Variants in MASP1 observed in about 807,000 individuals in gnomAD.
MASP1 encodes mannan-binding lectin serine protease 1.
In MASP1, 59 loss-of-function variants were observed where a neutral mutation model predicts 77.1. The observed-to-expected ratio is 0.77, with a 90% confidence interval of 0.62 to 0.95. The LOEUF is 0.95. Ranked by LOEUF, MASP1 falls within the 40% of genes least tolerant of loss-of-function variation. The pLI is 0.00. For missense variants in MASP1, 885 were observed against 912.9 expected (o/e 0.97, Z 0.39); for synonymous variants, 362 against 354.5 (o/e 1.02, Z -0.24).
In MASP1 at chr3:187,285,896, AC is replaced by A; in HGVS notation, c.165del (p.Arg57GlyfsTer22). On this transcript the variant is annotated frameshift_variant, in exon 2 of 11. Coordinates refer to ENST00000296280, the MANE Select transcript of MASP1 (RefSeq NM_139125.4). LOFTEE classifies it high-confidence loss of function. ...EVTWNITVPD[G>X]FRIKLYFMHF... ...TGCATGAAGTAAAGCTTGATCCGAA[AC>A]CCATCTGGGACAGTGATATTCCAAG... is the stretch of plus-strand genomic sequence containing the variant. The A allele has an allele frequency of 1.9e-6, 3 of 1,614,144 alleles. No homozygotes were observed. The highest frequency in any genetic ancestry group is 2.5e-6 in the Non-Finnish European group (3 of 1,180,010).
At chr3:187,224,482 G>A (rs972612426) in intron 13 of MASP1, among the ~76,000 whole-genome samples, 1 of 150,788 alleles carries the variant, frequency 6.6e-6, no homozygotes, top group Non-Finnish European at 1.5e-5. Flanking sequence ...AAGTAGCTGG[G>A]ACTACAGGCG....
In MASP1 at chr3:187,235,214, G is replaced by A; in HGVS notation, c.*470C>T. ...TAGAGGAAGGATTAGGCCAAGGCTA[G>A]TCCCAGAAGGCAGAGCAGGAAAATA... On this transcript the variant is annotated 3_prime_UTR_variant, in exon 11 of 11. Transcript: ENST00000296280. The A allele has an allele frequency of 7.8e-7, 1 of 1,288,788 alleles. No individual in the cohort carries two copies. Among genetic ancestry groups the A allele is most frequent in the Non-Finnish European group, 1.0e-6 (1 of 989,794 alleles). 79.8% of individuals were successfully genotyped at this position (1,288,788 alleles called of 1,614,324 possible).
chr3:187,222,122 C>T (rs548163182), intron 14 of MASP1, among the ~76,000 whole-genome samples: 2 of 152,208 alleles, frequency 1.3e-5, no homozygotes, highest in Non-Finnish European at 2.9e-5. Flanking sequence ...TCCTCAGCAA[C>T]TGCTGAGCAC....
rs1325283363 is a variant in MASP1, at chr3:187,234,266, A to G, written c.*1418T>C. 11 of 1,287,230 alleles carry G rather than the reference A, an allele frequency of 8.5e-6. No individual in the cohort carries two copies. The South Asian group carries it at 8.6e-5, about 10-fold the overall frequency. The allele number at this position is 1,287,230 out of a possible 1,614,324, so 79.7% of individuals were successfully genotyped here. A position where few individuals can be genotyped will look rare whatever the true frequency, so the allele number is the denominator to read the frequency against. On this transcript the variant is annotated 3_prime_UTR_variant, in exon 11 of 11. Transcript: ENST00000296280. ...CGGTTGAGAAAGTGGACACTTCCCA[A>G]TCATTCCCTCTCAGGGGCTTCTCTG...
In MASP1 at chr3:187,271,215, G is replaced by A. The variant is rs1716493578; in HGVS notation, c.238-8495C>T. Among the ~76,000 whole-genome samples, 7 of 152,108 alleles carry A rather than the reference G, an allele frequency of 4.6e-5. No individual in the cohort carries two copies. In the South Asian group the frequency reaches 1.5e-3, roughly 32 times the overall value. ...ACCACCTTTTCACTATCAGCTGCAG[G>A]GATGAGAAACTCAGTATCTTCCAAG... is the stretch of plus-strand genomic sequence containing the variant. On this transcript the variant is annotated intron_variant, in intron 2 of 10. Coordinates refer to ENST00000296280, the MANE Select transcript of MASP1 (RefSeq NM_139125.4).
intron 6 of MASP1, 88 bp downstream of exon 6, chr3:187,253,080 T>C (rs1714757855): frequency 6.4e-7 from 1 of 1,573,560 alleles, no homozygotes; most frequent in African/African-American, 1.3e-5. Context: ...CCAGAGGAGA[T>C]CCAAGCCTGC....
At chr3:187,285,227 T>C (rs1299808711) in intron 2 of MASP1, among the ~76,000 whole-genome samples, 1 of 152,082 alleles carries the variant, frequency 6.6e-6, no homozygotes, top group African/African-American at 2.4e-5. Context: ...TCTTCCCCCA[T>C]ATTTACTTTT....
intron 2 of MASP1, among the ~76,000 whole-genome samples, chr3:187,270,845 TA>T (rs1428100699): frequency 6.6e-6 from 1 of 152,168 alleles, no homozygotes; most frequent in Non-Finnish European, 1.5e-5. Context: ...GATGAGAAAC[TA>T]AGGCCAAAGA....
chr3:187,250,242 C>T lies in MASP1; in HGVS notation c.1090+9G>A, dbSNP rs200384158. On this transcript the variant is annotated intron_variant, in intron 8 of 10. Transcript: ENST00000296280. Reference sequence around the variant, plus strand: ...AGTATCTTTATAACAACCCATTAGGCTTTCTTACTTTTACAGGTGGGAATC... The same window carrying T: ...AGTATCTTTATAACAACCCATTAGGTTTTCTTACTTTTACAGGTGGGAATC... 5.9e-5 allele frequency: 95 copies of T among 1,611,428 alleles called. No individual in the cohort carries two copies. The East Asian group carries it at 2.0e-3, about 34-fold the overall frequency.
At chr3:187,286,348 A>G (rs868485248) in intron 1 of MASP1, among the ~76,000 whole-genome samples, 1 of 152,248 alleles carries the variant, frequency 6.6e-6, no homozygotes, top group Non-Finnish European at 1.5e-5. Context: ...ACTGTTGAAA[A>G]TGTAATTTTC....
intron 8 of MASP1, among the ~76,000 whole-genome samples, chr3:187,247,836 G>T (rs938978080): frequency 1.3e-5 from 2 of 152,306 alleles, no homozygotes; most frequent in South Asian, 4.1e-4. Context: ...TGGAAGCAGA[G>T]ATTCCAGCTG....
At chr3:187,245,600 C>A (rs1418446749) in intron 8 of MASP1, among the ~76,000 whole-genome samples, 1 of 152,062 alleles carries the variant, frequency 6.6e-6, no homozygotes, top group East Asian at 1.9e-4. Context: ...GGGAAAAAGC[C>A]ATGTTTCTCT....
At position 187,291,657 on chromosome 3, in the gene MASP1, T is replaced by C; in HGVS notation, c.-25A>G. The C allele has an allele frequency of 6.2e-7, 1 of 1,614,198 alleles. No homozygotes were observed. ...TTTTCCTGCCTTGGGTGCTCCCGGC[T>C]GCCCGGCCTTGGTCCTCCCAGCTTG... is the stretch of plus-strand genomic sequence containing the variant. On this transcript the variant is annotated 5_prime_UTR_variant, in exon 1 of 11. Coordinates refer to ENST00000296280, the MANE Select transcript of MASP1 (RefSeq NM_139125.4).
intron 2 of MASP1, among the ~76,000 whole-genome samples, chr3:187,279,377 C>T (rs1717229149): frequency 1.3e-5 from 2 of 152,170 alleles, no homozygotes; most frequent in Non-Finnish European, 2.9e-5. Flanking sequence ...GCAAGAGTTG[C>T]CAGATTTTCT....
chr3:187,250,291 C>G lies in MASP1; in HGVS notation c.1050G>C (p.Leu350=), dbSNP rs1364590076. The change falls in exon 8 of 11, where the codon CTG becomes CTC. Residue 350 remains leucine, a synonymous_variant. Coordinates refer to ENST00000296280, the MANE Select transcript of MASP1 (RefSeq NM_139125.4). The part of the protein sequence containing the change: ...VEMDTFQIEC[L]KDGTWSNKIP... ...TCTTGTTACTCCACGTCCCATCCTT[C>G]AGACACTCAATCTGGAATGTGTCCA... The G allele has an allele frequency of 7.4e-6, 12 of 1,614,052 alleles. No homozygotes were observed. Among genetic ancestry groups the G allele is most frequent in the African/African-American group, 1.3e-5 (1 of 75,060 alleles).
chr3:187,247,226 A>G, intron 8 of MASP1: 3 of 1,529,626 alleles, frequency 2.0e-6, no homozygotes, highest in Non-Finnish European at 2.7e-6. Context: ...CCACATGGAA[A>G]GGGGCACGGG....
intron 7 of MASP1, among the ~76,000 whole-genome samples, chr3:187,251,013 CA>C (rs903271460): frequency 1.3e-5 from 2 of 152,126 alleles, no homozygotes; most frequent in African/African-American, 2.4e-5. Context: ...GGCTGGAGTG[CA>C]AAGGCGTGAT....
chr3:187,217,365 A>G (rs1711831317), exon 16 of MASP1: 1 of 152,238 alleles, frequency 6.6e-6, no homozygotes, highest in South Asian at 2.1e-4. Flanking sequence ...AAATCCGGGC[A>G]TGATTATTAT....
chr3:187,244,120 A>T (rs73886121), intron 8 of MASP1: 2 of 179,274 alleles, frequency 1.1e-5, no homozygotes, highest in South Asian at 1.3e-4. Flanking sequence ...CACAAAAAAT[A>T]AAAAAACCCA....
Sources: allele counts gnomAD v4.1 joint callset (sites outside exome capture counted in the v4.1 genomes callset), GRCh38; gene constraint gnomAD v4.1.1; transcripts MANE v1.5; gene names NCBI Gene and HGNC (gene_info 2026-07-23, HGNC 2026-07-21).